PLA2G5: variants seen among roughly 807,000 people sequenced by gnomAD.
The protein encoded by PLA2G5 is Ca2+-dependent phospholipase A2.
In PLA2G5, 12 loss-of-function variants were observed where a neutral mutation model predicts 15.9. The observed-to-expected ratio is 0.76, with a 90% CI of 0.48 to 1.23. The LOEUF (loss-of-function observed/expected upper bound fraction) is 1.23, where lower values mean the gene tolerates loss of function less well. Ranked by LOEUF, PLA2G5 falls within the 50% of genes most tolerant of loss-of-function variation. The pLI, the probability that PLA2G5 is intolerant of heterozygous loss-of-function variation, is 0.00. For synonymous variants in PLA2G5, 71 were observed against 71.4 expected, an observed-to-expected ratio of 0.99 and a Z score of 0.03; for missense variants, 169 against 177.1, an observed-to-expected ratio of 0.95 and a Z score of 0.26.
At chr1:20,089,666 T>A (rs1278406389) in intron 3 of PLA2G5, 123 bp from the exon 4 acceptor site, 1 of 701,172 alleles carries the variant, frequency 1.4e-6, no homozygotes, top group African/African-American at 1.8e-5. Context: ...AGATCCTCCC[T>A]GCCACATCGC....
At position 20,090,767 on chromosome 1, in the gene PLA2G5, G is replaced by GTT; in HGVS notation, c.*75_*76insTT. 1 of 1,499,516 alleles carries GTT rather than the reference G, an allele frequency of 6.7e-7. No individual in the cohort carries two copies. The highest frequency in any genetic ancestry group is 9.3e-7 in the Non-Finnish European group (1 of 1,080,548). 92.9% of individuals were successfully genotyped at this position (1,499,516 alleles called of 1,614,324 possible). On this transcript the variant is annotated 3_prime_UTR_variant, in exon 5 of 5. Transcript: ENST00000375108. ...ACAACACAGAGTACTGACTCTGCCT[G>GTT]GTTCCTGAGAGAGGCTCCTAAGTCA... is the stretch of plus-strand genomic sequence containing the variant.
Position 20,061,878 on chromosome 1 carries a change from C to T in PLA2G5, n.337+2186C>T, listed in dbSNP as rs550676909. 1.7e-4 allele frequency among the ~76,000 whole-genome samples: 26 copies of T among 152,336 alleles called. No homozygotes were observed. The South Asian group carries it at 4.6e-3, about 27-fold the overall frequency. Reference sequence around the variant, plus strand: ...TCTAAGGATAGAGGCTAACACAGTTCGGATGTTTGTCCCCACCCAGATCTC... The same window carrying T: ...TCTAAGGATAGAGGCTAACACAGTTTGGATGTTTGTCCCCACCCAGATCTC... On this transcript the variant is annotated intron_variant and non_coding_transcript_variant, in intron 2 of 6. Coordinates refer to the PLA2G5 transcript ENST00000460175.
intron 1 of PLA2G5, among the ~76,000 whole-genome samples, chr1:20,044,558 G>C (rs1275350050): frequency 6.6e-6 from 1 of 152,180 alleles, no homozygotes; most frequent in African/African-American, 2.4e-5. Context: ...TGATGAAAAA[G>C]AGCCTAAATG....
chr1:20,031,129 T>C (rs2012905748), intron 1 of PLA2G5, among the ~76,000 whole-genome samples: 1 of 152,144 alleles, frequency 6.6e-6, no homozygotes, highest in Admixed American at 6.5e-5. Context: ...TTGTAATTAA[T>C]AGCCATTGTG....
At chr1:20,044,377 G>T (rs1186205383) in intron 1 of PLA2G5, among the ~76,000 whole-genome samples, 1 of 151,752 alleles carries the variant, frequency 6.6e-6, no homozygotes, top group African/African-American at 2.4e-5. Flanking sequence ...TGTGGGGGGG[G>T]TTTGAGGTCT....
chr1:20,060,706 A>C (rs1274147273), intron 2 of PLA2G5, among the ~76,000 whole-genome samples: 2 of 151,390 alleles, frequency 1.3e-5, no homozygotes, highest in Non-Finnish European at 2.9e-5. Flanking sequence ...CAGCCCACTT[A>C]GGGCTACATA....
chr1:20,078,361 T>A (rs945316207), intron 1 of PLA2G5, among the ~76,000 whole-genome samples: 2 of 110,652 alleles, frequency 1.8e-5, no homozygotes, highest in African/African-American at 1.0e-4. Flanking sequence ...AGGCAAGGGA[T>A]TTTTTTTTCT....
chr1:20,056,259 C>A (rs1023968184), intron 1 of PLA2G5, among the ~76,000 whole-genome samples: 2 of 151,920 alleles, frequency 1.3e-5, no homozygotes, highest in African/African-American at 4.8e-5. Context: ...TTCTAAAGAT[C>A]CACTCAGAGT....
chr1:20,038,409 C>T (rs992765005), intron 1 of PLA2G5, among the ~76,000 whole-genome samples: 2 of 152,174 alleles, frequency 1.3e-5, no homozygotes, highest in African/African-American at 2.4e-5. Context: ...TGTGAGACAA[C>T]GTCAGAAATG....
chr1:20,059,499 A>G (rs942940942), intron 1 of PLA2G5: 5 of 152,166 alleles, frequency 3.3e-5, no homozygotes, highest in African/African-American at 1.2e-4. Flanking sequence ...GGCTCAAAGG[A>G]GGACCACTTA....
chr1:20,056,348 CT>C (rs2014433743), intron 1 of PLA2G5, among the ~76,000 whole-genome samples: 1 of 151,942 alleles, frequency 6.6e-6, no homozygotes, highest in African/African-American at 2.4e-5. Flanking sequence ...TCTTGCCCCC[CT>C]ATCCTAGGCT....
intron 2 of PLA2G5, 86 bp downstream of exon 2, chr1:20,084,956 G>C (rs1157557084): frequency 4.3e-6 from 4 of 933,820 alleles, no homozygotes; most frequent in South Asian, 2.6e-5. Context: ...CATTGAGGTC[G>C]TAGAGACTTG....
intron 1 of PLA2G5, among the ~76,000 whole-genome samples, chr1:20,045,485 G>T (rs1426341465): frequency 6.6e-6 from 1 of 152,078 alleles, no homozygotes; most frequent in Non-Finnish European, 1.5e-5. Flanking sequence ...TTGGGTTCAT[G>T]GATAAAACAT....
upstream of PLA2G5, among the ~76,000 whole-genome samples, chr1:20,069,761 A>G (rs915777884): frequency 6.6e-6 from 1 of 152,218 alleles, no homozygotes; most frequent in Non-Finnish European, 1.5e-5. Flanking sequence ...CCAAAGAGCC[A>G]CAACAATTAG....
intron 1 of PLA2G5, among the ~76,000 whole-genome samples, chr1:20,080,400 A>G (rs1015252111): frequency 4.6e-5 from 7 of 152,062 alleles, no homozygotes; most frequent in African/African-American, 1.7e-4. Context: ...TGACCAACAT[A>G]GTAAAACCCC....
intron 1 of PLA2G5, among the ~76,000 whole-genome samples, chr1:20,059,097 TG>T (rs2014575944): frequency 8.6e-6 from 1 of 116,916 alleles, no homozygotes; most frequent in Middle Eastern, 7.0e-3. Context: ...TCACCCAGAC[TG>T]GGTGATAGAG....
At chr1:20,073,341 G>A (rs146098299) in intron 1 of PLA2G5, among the ~76,000 whole-genome samples, 298 of 152,282 alleles carry the variant, frequency 2.0e-3, no homozygotes, top group Non-Finnish European at 3.7e-3. Flanking sequence ...TGTGTGGATT[G>A]CCTTCTTAGC....
At chr1:20,051,695 C>G (rs1017999803) in intron 1 of PLA2G5, among the ~76,000 whole-genome samples, 32 of 152,278 alleles carry the variant, frequency 2.1e-4, no homozygotes, top group African/African-American at 7.5e-4. Context: ...TTTGCCAAGG[C>G]TTTGACTGGA....
chr1:20,089,880 G>A lies in PLA2G5; in HGVS notation c.277G>A (p.Gly93Ser). 1 of 1,613,346 alleles carries A rather than the reference G, an allele frequency of 6.2e-7. No individual in the cohort carries two copies. ...GTCCTACAAATACAGATTCGCGTGG[G>A]GCGTGGTCACCTGCGGTAAGGCTGG... ...TQSYKYRFAWGVVTCEPGPFC... is the reference protein window; with the variant it reads ...TQSYKYRFAWSVVTCEPGPFC... Residue 93 changes from glycine to serine, a missense_variant, in exon 4 of 5, where the codon GGC (glycine) becomes AGC (serine). Transcript: ENST00000375108.
Sources: allele counts gnomAD v4.1 joint callset (sites outside exome capture counted in the v4.1 genomes callset), GRCh38; gene constraint gnomAD v4.1.1; transcripts MANE v1.5; gene names NCBI Gene and HGNC (gene_info 2026-07-23, HGNC 2026-07-21).